TTBK2: variants seen among roughly 807,000 people sequenced by gnomAD.
TTBK2 encodes the protein tau tubulin kinase 2.
TTBK2 carries 28 observed loss-of-function variants against 110.8 expected under a neutral mutation model. The ratio of observed to expected loss-of-function variants is 0.25; its 90% CI spans 0.19 to 0.35. The LOEUF (loss-of-function observed/expected upper bound fraction) is 0.35. Among genes scored for constraint, TTBK2 ranks in the 10% least tolerant of loss-of-function variants. TTBK2 has a pLI of 1.00. For synonymous variants in TTBK2, 532 were observed against 527.3 expected, an observed-to-expected ratio of 1.01 and a Z score of -0.12; for missense variants, 1,369 against 1,500.3, an observed-to-expected ratio of 0.91 and a Z score of 1.45.
chr15:42,748,091 C>T (rs2061819797), intron 14 of TTBK2, among the ~76,000 whole-genome samples: 1 of 152,116 alleles, frequency 6.6e-6, no homozygotes, highest in Non-Finnish European at 1.5e-5. Context: ...AAACCAAAGG[C>T]ACTACAACCC....
intron 10 of TTBK2, 124 bp from the exon 11 acceptor site, chr15:42,783,759 A>AG: frequency 1.1e-6 from 1 of 885,844 alleles, no homozygotes; most frequent in Non-Finnish European, 1.7e-6. Flanking sequence ...AAAAAAAAAA[A>AG]GCACCTTGAA....
chr15:42,745,715 T>C lies in TTBK2; in HGVS notation c.*80A>G. 1 of 1,528,240 alleles carries C rather than the reference T, an allele frequency of 6.5e-7. No homozygotes were observed. The highest frequency in any genetic ancestry group is 9.1e-7 in the Non-Finnish European group (1 of 1,103,884). 94.7% of individuals were successfully genotyped at this position (1,528,240 alleles called of 1,614,324 possible). On this transcript the variant is annotated 3_prime_UTR_variant, in exon 15 of 15. Transcript: ENST00000267890. ...AAGAGAAGATCAACACTGATTTTTT[T>C]ACATAGAAAGTACAGGGACACACAT...
At chr15:42,891,839 C>A (rs1299570853) in intron 1 of TTBK2, among the ~76,000 whole-genome samples, 1 of 152,188 alleles carries the variant, frequency 6.6e-6, no homozygotes, top group African/African-American at 2.4e-5. Flanking sequence ...TGGCTTGTGG[C>A]TCCAGTCTGA....
At chr15:42,776,791 C>T (rs1485714949) in intron 12 of TTBK2, 11 of 582,978 alleles carry the variant, frequency 1.9e-5, no homozygotes, top group Non-Finnish European at 3.3e-5. Flanking sequence ...TCAGCTCTTA[C>T]TGCTCAGCTT....
chr15:42,897,671 G>C (rs1895718684), intron 1 of TTBK2, among the ~76,000 whole-genome samples: 1 of 152,116 alleles, frequency 6.6e-6, no homozygotes, highest in South Asian at 2.1e-4. Flanking sequence ...GAGAACATAA[G>C]ATGTGTTTTA....
chr15:42,754,625 G>T (rs1057201257), intron 13 of TTBK2, among the ~76,000 whole-genome samples: 1 of 146,812 alleles, frequency 6.8e-6, no homozygotes, highest in African/African-American at 2.5e-5. Flanking sequence ...TTGAACTCCC[G>T]ACCTTAGGTG....
intron 6 of TTBK2, among the ~76,000 whole-genome samples, chr15:42,823,580 G>A (rs991893015): frequency 2.6e-5 from 4 of 152,108 alleles, no homozygotes; most frequent in African/African-American, 9.7e-5. Context: ...AAGTTCTTTC[G>A]TGGTGATAGA....
chr15:42,830,185 C>A, intron 4 of TTBK2, 107 bp from the exon 5 acceptor site: 3 of 1,404,470 alleles, frequency 2.1e-6, no homozygotes, highest in Admixed American at 2.1e-5. Context: ...AGCAAAATAG[C>A]AAGAATTTTT....
At chr15:42,820,144 C>A (rs1892230421) in intron 6 of TTBK2, among the ~76,000 whole-genome samples, 5 of 152,074 alleles carry the variant, frequency 3.3e-5, no homozygotes, top group African/African-American at 1.2e-4. Flanking sequence ...AGAAATAATA[C>A]CAGTTTGCAT....
chr15:42,839,626 T>G (rs1893139122), intron 4 of TTBK2, among the ~76,000 whole-genome samples: 1 of 152,212 alleles, frequency 6.6e-6, no homozygotes, highest in Non-Finnish European at 1.5e-5. Context: ...TTCTGACTTT[T>G]TAATAATAGT....
chr15:42,779,015 T>C (rs1890063363), intron 11 of TTBK2, among the ~76,000 whole-genome samples: 1 of 151,474 alleles, frequency 6.6e-6, no homozygotes, highest in Non-Finnish European at 1.5e-5. Flanking sequence ...AAGATGAAGG[T>C]GGGGGAAACA....
At chr15:42,826,931 T>C (rs1005850407) in intron 6 of TTBK2, among the ~76,000 whole-genome samples, 1 of 152,206 alleles carries the variant, frequency 6.6e-6, no homozygotes, top group Non-Finnish European at 1.5e-5. Context: ...GGGGAAAAGA[T>C]AGCTGAAGGA....
intron 6 of TTBK2, among the ~76,000 whole-genome samples, chr15:42,824,989 G>A (rs1227353020): frequency 1.3e-5 from 2 of 152,112 alleles, no homozygotes; most frequent in Admixed American, 6.5e-5. Flanking sequence ...GCTCACACCT[G>A]TAATTTTAGA....
chr15:42,846,659 TG>T (rs1163869985), intron 3 of TTBK2, among the ~76,000 whole-genome samples: 1 of 152,242 alleles, frequency 6.6e-6, no homozygotes, highest in Non-Finnish European at 1.5e-5. Context: ...GAAATGTCTT[TG>T]TTATTTATTA....
At chr15:42,780,015 T>G (rs780535434) in intron 11 of TTBK2, among the ~76,000 whole-genome samples, 16 of 150,468 alleles carry the variant, frequency 1.1e-4, no homozygotes, top group Admixed American at 2.0e-4. Context: ...CTAATTCAAG[T>G]CATTCTTCTT....
At chr15:42,812,337 C>T (rs1891758678) in intron 7 of TTBK2, among the ~76,000 whole-genome samples, 1 of 151,290 alleles carries the variant, frequency 6.6e-6, no homozygotes, top group African/African-American at 2.4e-5. Flanking sequence ...AACTTAATTG[C>T]TATCAAAAGA....
intron 9 of TTBK2, among the ~76,000 whole-genome samples, chr15:42,800,777 C>T (rs1411794145): frequency 6.7e-6 from 1 of 149,980 alleles, no homozygotes; most frequent in African/African-American, 2.5e-5. Flanking sequence ...AAAAAAAAAG[C>T]AATTGAATTG....
At chr15:42,871,417 G>A (rs759374684) in intron 3 of TTBK2, 2 of 984,702 alleles carry the variant, frequency 2.0e-6, no homozygotes, top group Non-Finnish European at 2.4e-6. Flanking sequence ...ACCTCCTGAA[G>A]GGGTGGCAAA....
intron 13 of TTBK2, among the ~76,000 whole-genome samples, chr15:42,755,011 GA>G (rs71431863): frequency 2.3e-4 from 16 of 69,838 alleles, no homozygotes; most frequent in Non-Finnish European, 3.0e-4. Context: ...TCCATCTCAG[GA>G]AAAAAAAAAA....
Sources: allele counts gnomAD v4.1 joint callset (sites outside exome capture counted in the v4.1 genomes callset), GRCh38; gene constraint gnomAD v4.1.1; transcripts MANE v1.5; gene names NCBI Gene and HGNC (gene_info 2026-07-23, HGNC 2026-07-21).